CNTLN: variants seen among roughly 807,000 people sequenced by gnomAD.
The protein encoded by CNTLN is centlein, centrosomal protein.
CNTLN carries 212 observed loss-of-function variants against 180.0 expected under a neutral mutation model. That is an observed-to-expected ratio of 1.18 (90% CI 1.05 to 1.32). The LOEUF (loss-of-function observed/expected upper bound fraction) is 1.32. Among genes scored for constraint, CNTLN ranks in the 40% most tolerant of loss-of-function variants. CNTLN has a pLI of 0.00. For synonymous variants in CNTLN, 722 were observed against 563.1 expected (o/e 1.28, Z -3.99); for missense variants, 2,095 against 1,610.9 (o/e 1.30, Z -5.14).
chr9:17,524,517 A>T, the CNTLN span, among the ~76,000 whole-genome samples: 1 of 152,178 alleles, frequency 6.6e-6, no homozygotes, highest in East Asian at 1.9e-4. Flanking sequence ...TGTTAATCTC[A>T]TCCAGAAACA....
chr9:17,449,580 T>C (rs1213104716), intron 18 of CNTLN, among the ~76,000 whole-genome samples: 1 of 152,198 alleles, frequency 6.6e-6, no homozygotes, highest in Non-Finnish European at 1.5e-5. Context: ...ACAGTCAAAC[T>C]CTTTTTTCTG....
At chr9:17,142,970 G>A (rs1818209183) in intron 1 of CNTLN, among the ~76,000 whole-genome samples, 1 of 152,140 alleles carries the variant, frequency 6.6e-6, no homozygotes, top group Admixed American at 6.5e-5. Context: ...CTCTTTCAAG[G>A]AGTTTTGATA....
chr9:17,393,765 T>C (rs2133714654), intron 14 of CNTLN, among the ~76,000 whole-genome samples: 1 of 152,284 alleles, frequency 6.6e-6, no homozygotes, highest in South Asian at 2.1e-4. Context: ...CTCCATGAAA[T>C]GTTTGAAATT....
Position 17,503,186 on chromosome 9 carries a change from T to C in CNTLN, c.*534T>C, listed in dbSNP as rs1208271487. On this transcript the variant is annotated 3_prime_UTR_variant, in exon 26 of 26. Coordinates refer to ENST00000380647, the MANE Select transcript of CNTLN (RefSeq NM_017738.4). ...CTGTTCTCATTGATGTGCTGGTTTA[T>C]GTAGGAGATACTGTGTATTTCTACA... is the stretch of plus-strand genomic sequence containing the variant. 6.6e-6 allele frequency: 1 copy of C among 152,354 alleles called. No individual in the cohort carries two copies. The highest frequency in any genetic ancestry group is 6.5e-5 in the Admixed American group (1 of 15,274). 9.4% of individuals were successfully genotyped at this position (152,354 alleles called of 1,614,324 possible).
chr9:17,327,427 G>T (rs1042152361), intron 8 of CNTLN, among the ~76,000 whole-genome samples: 1 of 150,128 alleles, frequency 6.7e-6, no homozygotes, highest in Non-Finnish European at 1.5e-5. Context: ...CTCGTGATCC[G>T]CTCTTCTCGG....
At chr9:17,338,151 CT>C (rs1564006801) in intron 10 of CNTLN, among the ~76,000 whole-genome samples, 2 of 141,774 alleles carry the variant, frequency 1.4e-5, no homozygotes, top group African/African-American at 5.2e-5. Context: ...CTTCCTTCTT[CT>C]TTCTTTCTTT....
intron 23 of CNTLN, among the ~76,000 whole-genome samples, chr9:17,478,774 G>A (rs1330667172): frequency 6.6e-6 from 1 of 152,016 alleles, no homozygotes; most frequent in Non-Finnish European, 1.5e-5. Context: ...ATATCACCCT[G>A]TCGACTATAT....
At chr9:17,337,029 T>A (rs1387909829) in intron 10 of CNTLN, among the ~76,000 whole-genome samples, 1 of 152,240 alleles carries the variant, frequency 6.6e-6, no homozygotes, top group Non-Finnish European at 1.5e-5. Flanking sequence ...AGATGGTATC[T>A]CATTGTGGTT....
chr9:17,487,254 A>C, intron 25 of CNTLN, 188 bp downstream of exon 25: 1 of 583,804 alleles, frequency 1.7e-6, no homozygotes, highest in Non-Finnish European at 3.1e-6. Flanking sequence ...CAAATGAAAC[A>C]AATACCTTGG....
At chr9:17,330,597 T>A in intron 8 of CNTLN, 35 bp from the exon 9 acceptor site, 1 of 1,141,946 alleles carries the variant, frequency 8.8e-7, no homozygotes. Flanking sequence ...GATACAAACA[T>A]AGATATCTAT....
At chr9:17,489,878 A>G (rs912992739) in intron 25 of CNTLN, among the ~76,000 whole-genome samples, 3 of 152,166 alleles carry the variant, frequency 2.0e-5, no homozygotes, top group Non-Finnish European at 4.4e-5. Flanking sequence ...CCACACTGAA[A>G]AAATCTTACT....
At chr9:17,421,999 G>C (rs904735035) in intron 18 of CNTLN, among the ~76,000 whole-genome samples, 1 of 152,016 alleles carries the variant, frequency 6.6e-6, no homozygotes, top group African/African-American at 2.4e-5. Context: ...TTTACCCTTA[G>C]ATGATTTCTT....
At chr9:17,170,405 G>A (rs74511328) in intron 2 of CNTLN, among the ~76,000 whole-genome samples, 7,046 of 152,010 alleles carry the variant, frequency 0.046, 214 homozygotes, top group East Asian at 0.17. Flanking sequence ...ATTGCTTTGG[G>A]TAGGACTTCC....
intron 12 of CNTLN, among the ~76,000 whole-genome samples, chr9:17,358,952 A>G (rs1321602243): frequency 2.0e-5 from 3 of 152,172 alleles, no homozygotes; most frequent in Non-Finnish European, 4.4e-5. Context: ...TTTTAGAGGA[A>G]AACATAGGAG....
chr9:17,308,970 ATG>A (rs66758062), intron 7 of CNTLN, 86 bp from the exon 8 acceptor site: 664,551 of 800,908 alleles, frequency 0.83, 278,730 homozygotes, highest in Non-Finnish European at 0.86. Context: ...TACAGTTCAT[ATG>A]TATATATACA....
chr9:17,487,066 G>GCTTCCTTTT lies in CNTLN; in HGVS notation c.4119_4119+1insCTTCCTTTT (p.Leu1374_Phe1376dup). ...ACATTCAGAAACTTCTTGAAGGACAGGTATTTCATTTTTCTGTTTCATATA... is the reference window on the plus strand; with the variant it reads ...ACATTCAGAAACTTCTTGAAGGACAGCTTCCTTTTGTATTTCATTTTTCTGTTTCATATA... On this transcript the variant is annotated inframe_insertion and splice_region_variant. Coordinates refer to ENST00000380647, the MANE Select transcript of CNTLN (RefSeq NM_017738.4). 1 of 1,589,556 alleles carries GCTTCCTTTT rather than the reference G, an allele frequency of 6.3e-7. No homozygotes were observed. Among genetic ancestry groups the GCTTCCTTTT allele is most frequent in the Non-Finnish European group, 8.6e-7 (1 of 1,159,602 alleles).
At chr9:17,348,703 G>C (rs894626544) in intron 12 of CNTLN, among the ~76,000 whole-genome samples, 2 of 151,892 alleles carry the variant, frequency 1.3e-5, no homozygotes, top group Non-Finnish European at 2.9e-5. Flanking sequence ...GCAAATTTTT[G>C]TATTTTCTGT....
chr9:17,244,102 G>C (rs982434171), intron 5 of CNTLN, among the ~76,000 whole-genome samples: 1 of 151,422 alleles, frequency 6.6e-6, no homozygotes, highest in Non-Finnish European at 1.5e-5. Context: ...AATCTATTTT[G>C]TCTGATGGAG....
intron 12 of CNTLN, among the ~76,000 whole-genome samples, chr9:17,356,789 T>C (rs770273728): frequency 1.1e-4 from 16 of 152,174 alleles, no homozygotes; most frequent in Admixed American, 2.6e-4. Context: ...CATACAGATA[T>C]GTAATTTAAA....
Sources: allele counts gnomAD v4.1 joint callset (sites outside exome capture counted in the v4.1 genomes callset), GRCh38; gene constraint gnomAD v4.1.1; transcripts MANE v1.5; gene names NCBI Gene and HGNC (gene_info 2026-07-23, HGNC 2026-07-21).